The following KIF13B variants were observed in gnomAD, a reference collection of about 807,000 sequenced individuals.
KIF13B encodes kinesin-like protein KIF13B.
In KIF13B, 127 loss-of-function variants were observed where a neutral mutation model predicts 222.0. The observed-to-expected ratio is 0.57, with a 90% CI of 0.50 to 0.66. The LOEUF (loss-of-function observed/expected upper bound fraction) is 0.66. Ranked by LOEUF, KIF13B falls within the 30% of genes least tolerant of loss-of-function variation. KIF13B has a pLI of 0.00. For missense variants in KIF13B, 2,173 were observed against 2,379.0 expected, an observed-to-expected ratio of 0.91 and a Z score of 1.80; for synonymous variants, 976 against 919.0, an observed-to-expected ratio of 1.06 and a Z score of -1.12.
intron 32 of KIF13B, 54 bp from the exon 33 acceptor site, chr8:29,110,124 C>CGCGT: frequency 7.2e-7 from 1 of 1,392,164 alleles, no homozygotes; most frequent in Non-Finnish European, 9.9e-7. Context: ...CACACACACA[C>CGCGT]GTACACGCGT....
intron 26 of KIF13B, among the ~76,000 whole-genome samples, chr8:29,126,230 T>A (rs1810102766): frequency 6.6e-6 from 1 of 152,112 alleles, no homozygotes; most frequent in South Asian, 2.1e-4. Flanking sequence ...GAGAAACGGA[T>A]CTTCAGGGAG....
chr8:29,223,853 G>A (rs1814882717), intron 2 of KIF13B, among the ~76,000 whole-genome samples: 1 of 151,880 alleles, frequency 6.6e-6, no homozygotes, highest in Admixed American at 6.6e-5. Context: ...CACCACGCCT[G>A]GCTAATTTTT....
rs1353879225 is a variant in KIF13B at position 29,070,628 on chromosome 8, G to A, written c.5357C>T (p.Pro1786Leu). ...GAGGGTGGCGCTCCGGCGGGCCTCGGGGGCACCCAGCCGGAGTCCTGTGCT... is the reference window on the plus strand; with the variant it reads ...GAGGGTGGCGCTCCGGCGGGCCTCGAGGGCACCCAGCCGGAGTCCTGTGCT... Reference protein sequence around the residue: ...RRSTGLRLGAPEARRSATLSG... With the variant: ...RRSTGLRLGALEARRSATLSG... The change falls in exon 40 of 40, where the codon CCC (proline) becomes CTC (leucine). Residue 1786 changes from proline to leucine, a missense_variant. Around this residue, in one of 2 missense-constraint regions of KIF13B, gnomAD observed 693 missense variants for 656.2 expected, o/e 1.06. Transcript: ENST00000524189. The surrounding 1 kb of genome is among the most constrained non-coding windows in gnomAD (Gnocchi z 4.1). The A allele has an allele frequency of 6.4e-7, 1 of 1,573,616 alleles. No individual in the cohort carries two copies. The highest frequency in any genetic ancestry group is 1.4e-5 in the African/African-American group (1 of 73,870).
chr8:29,209,784 G>T (rs943648549), intron 2 of KIF13B, among the ~76,000 whole-genome samples: 1 of 151,304 alleles, frequency 6.6e-6, no homozygotes, highest in Non-Finnish European at 1.5e-5. Context: ...GAATGTGGCG[G>T]CTCATGTCTG....
intron 12 of KIF13B, among the ~76,000 whole-genome samples, chr8:29,165,004 C>G (rs1049692288): frequency 6.6e-6 from 1 of 152,126 alleles, no homozygotes; most frequent in African/African-American, 2.4e-5. Flanking sequence ...TGTGCCACCA[C>G]GCCTAGCTAA....
chr8:29,134,055 G>C lies in KIF13B; in HGVS notation c.2769C>G (p.Val923=). The C allele has an allele frequency of 6.2e-7, 1 of 1,613,436 alleles. No individual in the cohort carries two copies. Among genetic ancestry groups the C allele is most frequent in the African/African-American group, 1.3e-5 (1 of 75,038 alleles). Residue 923 remains valine (V), a synonymous_variant, in exon 22 of 40, where the codon GTC becomes GTG. Transcript: ENST00000524189. ...ACAAACTCACATTGCAATGATCAAA[G>C]ACAACCATGCAGTGCGGCTCCTTGC... ...SVSKEPHCMV[V]FDHCNEFSVN... is the part of the protein sequence containing the mutation.
At chr8:29,165,590 C>A in intron 12 of KIF13B, 72 bp downstream of exon 12, 2 of 914,604 alleles carry the variant, frequency 2.2e-6, no homozygotes, top group African/African-American at 1.7e-5. Context: ...AAAAAGGAAC[C>A]AGAAACACCA....
chr8:29,136,795 GTTTTT>G, intron 21 of KIF13B, among the ~76,000 whole-genome samples: 1 of 116,840 alleles, frequency 8.6e-6, no homozygotes. Context: ...CCTGTAACAG[GTTTTT>G]TTTTTTTTTT....
At chr8:29,108,714 G>C (rs547831891) in intron 34 of KIF13B, among the ~76,000 whole-genome samples, 3 of 152,266 alleles carry the variant, frequency 2.0e-5, no homozygotes, top group East Asian at 3.9e-4. Context: ...ATGGTTGGTG[G>C]CATCCAGCGT....
chr8:29,243,824 G>C (rs986395087), intron 2 of KIF13B, among the ~76,000 whole-genome samples: 1 of 152,114 alleles, frequency 6.6e-6, no homozygotes, highest in African/African-American at 2.4e-5. Flanking sequence ...GTGTCTCTAT[G>C]TTAATAACAA....
intron 2 of KIF13B, among the ~76,000 whole-genome samples, chr8:29,197,292 C>G (rs988869810): frequency 2.1e-5 from 3 of 144,062 alleles, no homozygotes; most frequent in Admixed American, 1.4e-4. Flanking sequence ...AGCCGAGATC[C>G]CGCCACTGCA....
At chr8:29,115,845 A>G (rs143118650) in intron 31 of KIF13B, among the ~76,000 whole-genome samples, 153 of 151,874 alleles carry the variant, frequency 1.0e-3, no homozygotes, top group African/African-American at 3.6e-3. Context: ...ATCTCCTCCT[A>G]CTATGCCTGG....
At chr8:29,093,873 A>G (rs554994155) in intron 36 of KIF13B, among the ~76,000 whole-genome samples, 5 of 152,228 alleles carry the variant, frequency 3.3e-5, no homozygotes, top group Non-Finnish European at 7.3e-5. Flanking sequence ...AGAAAAGTCC[A>G]ATTATTTACA....
chr8:29,184,333 T>G (rs537009280), intron 6 of KIF13B, among the ~76,000 whole-genome samples: 2 of 151,856 alleles, frequency 1.3e-5, no homozygotes, highest in African/African-American at 2.4e-5. Context: ...AAAAAAAAAA[T>G]TTCCAAGAAA....
intron 12 of KIF13B, among the ~76,000 whole-genome samples, chr8:29,164,951 G>A (rs909110541): frequency 2.0e-5 from 3 of 151,860 alleles, no homozygotes; most frequent in Non-Finnish European, 2.9e-5. Context: ...GGGTTCAAGC[G>A]ATTCTTGTGC....
At chr8:29,141,298 C>A (rs574322209) in intron 19 of KIF13B, among the ~76,000 whole-genome samples, 1 of 151,708 alleles carries the variant, frequency 6.6e-6, no homozygotes, top group East Asian at 1.9e-4. Flanking sequence ...CGTGCCACTG[C>A]ACTCCAGCCT....
At chr8:29,257,187 A>C (rs1816513014) in intron 1 of KIF13B, among the ~76,000 whole-genome samples, 1 of 152,240 alleles carries the variant, frequency 6.6e-6, no homozygotes, top group Non-Finnish European at 1.5e-5. Flanking sequence ...TGTTGAAATG[A>C]ATGACTAATG....
intron 1 of KIF13B, among the ~76,000 whole-genome samples, chr8:29,256,135 T>C (rs1351260806): frequency 2.6e-5 from 4 of 152,232 alleles, no homozygotes; most frequent in Admixed American, 6.5e-5. Flanking sequence ...TTATTCATAG[T>C]TGCAGGCAGG....
chr8:29,101,404 G>T (rs190711547), intron 35 of KIF13B, among the ~76,000 whole-genome samples: 108 of 152,220 alleles, frequency 7.1e-4, no homozygotes, highest in Non-Finnish European at 1.2e-3. Flanking sequence ...CTGTCCCTCA[G>T]GAAAACTAAG....
Sources: allele counts gnomAD v4.1 joint callset (sites outside exome capture counted in the v4.1 genomes callset), GRCh38; gene constraint gnomAD v4.1.1; regional missense constraint gnomAD v4.1.1; non-coding constraint Gnocchi (gnomAD v3.1); transcripts MANE v1.5; gene names NCBI Gene and HGNC (gene_info 2026-07-23, HGNC 2026-07-21).